PDGFD: variants seen among roughly 807,000 people sequenced by gnomAD.
The protein encoded by PDGFD is platelet-derived growth factor D.
Under a neutral mutation model 44.7 loss-of-function variants are expected in PDGFD, and 30 were observed. The observed-to-expected ratio is 0.67, with a 90% CI of 0.50 to 0.91. PDGFD has a LOEUF of 0.91. Among genes scored for constraint, PDGFD ranks in the 40% least tolerant of loss-of-function variants. The pLI is 0.00. For synonymous variants in PDGFD, 173 were observed against 168.4 expected (o/e 1.03, Z -0.21); for missense variants, 445 against 457.8 (o/e 0.97, Z 0.25).
intron 3 of PDGFD, among the ~76,000 whole-genome samples, chr11:103,979,903 T>C (rs970860869): frequency 6.6e-5 from 10 of 152,164 alleles, no homozygotes; most frequent in Admixed American, 3.3e-4. Flanking sequence ...TTATTCTAAC[T>C]AATTGTAACT....
At chr11:103,933,968 C>T (rs1408508027) in intron 5 of PDGFD, among the ~76,000 whole-genome samples, 1 of 152,070 alleles carries the variant, frequency 6.6e-6, no homozygotes, top group South Asian at 2.1e-4. Flanking sequence ...TAAAGCATAT[C>T]TATGAAATGA....
chr11:104,034,228 T>G (rs1860180411), intron 1 of PDGFD, among the ~76,000 whole-genome samples: 1 of 151,962 alleles, frequency 6.6e-6, no homozygotes, highest in Non-Finnish European at 1.5e-5. Flanking sequence ...TTTGTGTGTG[T>G]GCATGTGCTC....
chr11:104,037,257 G>C, intron 1 of PDGFD: 3 of 1,613,690 alleles, frequency 1.9e-6, no homozygotes, highest in Non-Finnish European at 2.5e-6. Flanking sequence ...GCCCCGCCCT[G>C]ATCCGCAGCA....
At chr11:104,014,897 A>G (rs1289832409) in intron 1 of PDGFD, among the ~76,000 whole-genome samples, 2 of 152,196 alleles carry the variant, frequency 1.3e-5, no homozygotes, top group South Asian at 4.1e-4. Flanking sequence ...TCCTCACTCT[A>G]TCAGCATTTA....
intron 6 of PDGFD, among the ~76,000 whole-genome samples, chr11:103,921,174 A>T (rs765912338): frequency 6.6e-6 from 1 of 152,130 alleles, no homozygotes; most frequent in Non-Finnish European, 1.5e-5. Context: ...GCTTCACTTA[A>T]AGGTGGAGAA....
chr11:104,042,108 A>G (rs761714444), intron 1 of PDGFD, among the ~76,000 whole-genome samples: 23 of 152,238 alleles, frequency 1.5e-4, no homozygotes, highest in South Asian at 2.1e-4. Flanking sequence ...AAAGATGGGT[A>G]GAGAAAGAAG....
intron 1 of PDGFD, among the ~76,000 whole-genome samples, chr11:104,016,773 A>T (rs1050694354): frequency 6.6e-5 from 10 of 152,130 alleles, no homozygotes; most frequent in African/African-American, 2.4e-4. Flanking sequence ...TTAATACTAC[A>T]CGGTTGTTGC....
chr11:104,065,352 T>G (rs1193284409), intron 1 of PDGFD, among the ~76,000 whole-genome samples: 2 of 152,214 alleles, frequency 1.3e-5, no homozygotes, highest in Non-Finnish European at 2.9e-5. Context: ...AATATACATT[T>G]CTTTAAGTCA....
At chr11:104,039,223 T>C (rs1203392186) in intron 1 of PDGFD, 2 of 166,578 alleles carry the variant, frequency 1.2e-5, no homozygotes, top group African/African-American at 4.8e-5. Flanking sequence ...TTACACTTAA[T>C]TACTTAGACA....
intron 1 of PDGFD, among the ~76,000 whole-genome samples, chr11:104,089,141 CAG>C (rs1211000253): frequency 6.6e-6 from 1 of 152,140 alleles, no homozygotes; most frequent in African/African-American, 2.4e-5. Context: ...TCAGAGTCAT[CAG>C]AGAGTATTTC....
In PDGFD at chr11:104,070,375, T is replaced by G. The variant is rs545422957; in HGVS notation, c.125-70120A>C. ...CCAACAGCACAGGGTTCATTCTAACTTTTTTCTTTCTGTATTTGTAACTAT... is the reference window on the plus strand; with the variant it reads ...CCAACAGCACAGGGTTCATTCTAACGTTTTTCTTTCTGTATTTGTAACTAT... On this transcript the variant is annotated intron_variant, in intron 1 of 6. Coordinates refer to ENST00000393158, the MANE Select transcript of PDGFD (RefSeq NM_025208.5). Among the ~76,000 whole-genome samples the G allele has an allele frequency of 3.9e-4, 59 of 152,304 alleles. No individual in the cohort carries two copies. The South Asian group carries it at 0.011, about 28-fold the overall frequency.
chr11:103,963,934 A>G (rs1447895744), intron 3 of PDGFD, among the ~76,000 whole-genome samples: 1 of 152,138 alleles, frequency 6.6e-6, no homozygotes, highest in African/African-American at 2.4e-5. Context: ...TCATGAATTA[A>G]AATTTGTAAT....
intron 3 of PDGFD, among the ~76,000 whole-genome samples, chr11:103,988,961 A>G (rs555381645): frequency 6.6e-6 from 1 of 152,290 alleles, no homozygotes; most frequent in East Asian, 1.9e-4. Context: ...TACTTCACAT[A>G]CAATGCCTCA....
chr11:103,958,396 C>T (rs184414952), intron 3 of PDGFD, among the ~76,000 whole-genome samples: 12 of 152,232 alleles, frequency 7.9e-5, no homozygotes, highest in African/African-American at 2.6e-4. Context: ...TCAAAGAGAA[C>T]ATCTGATTCA....
rs1455156459 is a variant in PDGFD, at chr11:104,118,833, A to G, written c.124+44971T>C. On this transcript the variant is annotated intron_variant, in intron 1 of 6. Transcript: ENST00000393158. ...TAATATATTATATATTATAAATATTAATATATAATATATTATATATTATAA... is the reference window on the plus strand; with the variant it reads ...TAATATATTATATATTATAAATATTGATATATAATATATTATATATTATAA... Among the ~76,000 whole-genome samples the G allele has an allele frequency of 8.4e-5, 3 of 35,712 alleles. No individual in the cohort carries two copies. In the East Asian group the frequency reaches 1.8e-3, roughly 22 times the overall value. The allele number at this position is 35,712 out of a possible 152,430, so 23.4% of individuals were successfully genotyped here. A position where few individuals can be genotyped will look rare whatever the true frequency, so the allele number is the denominator to read the frequency against.
chr11:104,003,343 G>C (rs1208549008), intron 1 of PDGFD, among the ~76,000 whole-genome samples: 3 of 152,214 alleles, frequency 2.0e-5, no homozygotes, highest in African/African-American at 4.8e-5. Context: ...ATCTCCACTT[G>C]ATATGGGTAC....
chr11:103,927,724 A>T (rs1170128712), intron 5 of PDGFD, among the ~76,000 whole-genome samples: 6 of 152,236 alleles, frequency 3.9e-5, no homozygotes, highest in Non-Finnish European at 8.8e-5. Flanking sequence ...ACTGGGTCCT[A>T]GATGGCAGTA....
chr11:103,958,482 CA>C (rs1342091540), intron 3 of PDGFD, among the ~76,000 whole-genome samples: 1 of 151,962 alleles, frequency 6.6e-6, no homozygotes, highest in East Asian at 1.9e-4. Flanking sequence ...TTGTTTATAC[CA>C]AGCTAAAATG....
intron 1 of PDGFD, among the ~76,000 whole-genome samples, chr11:104,162,269 G>A (rs1167207012): frequency 7.2e-5 from 11 of 152,160 alleles, no homozygotes; most frequent in African/African-American, 2.6e-4. Flanking sequence ...ATACTTGGGA[G>A]GGTGAGGATT....
Sources: gnomAD v4.1 joint callset for allele counts (sites outside exome capture counted in the v4.1 genomes callset) on GRCh38, gnomAD v4.1.1 for gene constraint, MANE v1.5 for transcripts, NCBI Gene and HGNC (gene_info 2026-07-23, HGNC 2026-07-21) for gene names.